Variants in NEK5 observed in about 807,000 individuals in gnomAD.
NEK5 encodes the protein NIMA related kinase 5.
NEK5 carries 88 observed loss-of-function variants against 109.2 expected under a neutral mutation model. The ratio of observed to expected loss-of-function variants is 0.81; its 90% CI spans 0.68 to 0.96. The LOEUF is 0.96. NEK5 is among the 40% of genes least tolerant of loss of function. The pLI is 0.00. For synonymous variants in NEK5, 283 were observed against 299.9 expected (o/e 0.94, Z 0.58); for missense variants, 834 against 920.7 (o/e 0.91, Z 1.22).
chr13:52,040,636 T>A (rs1954405295), intron 23 of NEK5, among the ~76,000 whole-genome samples: 1 of 152,176 alleles, frequency 6.6e-6, no homozygotes, highest in Non-Finnish European at 1.5e-5. Flanking sequence ...TTCTTTATGA[T>A]CTAATCAGCA....
intron 20 of NEK5, among the ~76,000 whole-genome samples, chr13:52,068,466 TACACACACACACAC>T (rs5803591): frequency 3.0e-4 from 45 of 148,240 alleles, no homozygotes; most frequent in African/African-American, 8.9e-4. Flanking sequence ...AATACACAAA[TACACACACACACAC>T]ACACACACAC....
chr13:52,089,615 TGTG>T (rs1955233887), intron 13 of NEK5, among the ~76,000 whole-genome samples: 1 of 152,140 alleles, frequency 6.6e-6, no homozygotes, highest in African/African-American at 2.4e-5. Context: ...TATAATATGT[TGTG>T]GGGAGGAAAA....
intron 8 of NEK5, among the ~76,000 whole-genome samples, chr13:52,106,531 T>C (rs1275826624): frequency 6.6e-6 from 1 of 152,120 alleles, no homozygotes; most frequent in Non-Finnish European, 1.5e-5. Flanking sequence ...TTTGAGAGGC[T>C]GAGGCGGGCA....
intron 22 of NEK5, among the ~76,000 whole-genome samples, chr13:52,060,343 A>C (rs1370505789): frequency 4.6e-5 from 7 of 152,156 alleles, no homozygotes; most frequent in African/African-American, 7.2e-5. Flanking sequence ...AGTGGTAATT[A>C]ACTTTGTAAA....
chr13:52,086,294 T>G lies in NEK5; in HGVS notation c.1462A>C (p.Met488Leu), dbSNP rs1955141028. Residue 488 changes from methionine (M) to leucine (L), a missense_variant, in exon 16 of 24, where the codon ATG becomes CTG. Around this residue, in one of 2 missense-constraint regions of NEK5, gnomAD observed 777 missense variants for 824.7 expected, o/e 0.94. Coordinates refer to ENST00000684899, the MANE Select transcript of NEK5 (RefSeq NM_001365552.1). ...HNDMKEIRKK[M>L]GREPEENSKI... is the part of the protein sequence containing the mutation. The stretch of plus-strand genomic sequence containing the variant: ...GAATTTACCTCTGGTTCTCTCCCCA[T>G]CTTCTTTCTAATTTCTTTCATGTCA... 6.2e-7 allele frequency: 1 copy of G among 1,605,100 alleles called. No individual in the cohort carries two copies. The highest frequency in any genetic ancestry group is 1.3e-5 in the African/African-American group (1 of 74,770).
intron 21 of NEK5, among the ~76,000 whole-genome samples, chr13:52,062,483 C>T (rs903510234): frequency 1.3e-5 from 2 of 151,520 alleles, no homozygotes; most frequent in Non-Finnish European, 2.9e-5. Flanking sequence ...TGTAGTGTCA[C>T]GATCTTGGCT....
At chr13:52,089,995 A>G (rs867940126) in intron 13 of NEK5, among the ~76,000 whole-genome samples, 2 of 152,128 alleles carry the variant, frequency 1.3e-5, no homozygotes, top group South Asian at 4.1e-4. Flanking sequence ...GAAAAGAAAA[A>G]AAAGAATGGC....
Position 52,110,560 on chromosome 13 carries a change from T to A in NEK5, c.330A>T (p.Val110=). ...FSEDQILGWF[V]QISLGLKHIH... is the part of the protein sequence containing the mutation. ...TATGTTTTAGTCCTAGAGAAATCTG[T>A]ACAAACCAACCGAGGATCTATAGAG... is the stretch of plus-strand genomic sequence containing the variant. Residue 110 remains valine (V), a synonymous_variant, in exon 6 of 24, where the codon GTA becomes GTT. Transcript: ENST00000684899. 1.2e-6 allele frequency: 2 copies of A among 1,610,494 alleles called. No individual in the cohort carries two copies. The highest frequency in any genetic ancestry group is 8.5e-7 in the Non-Finnish European group (1 of 1,177,442).
intron 12 of NEK5, among the ~76,000 whole-genome samples, chr13:52,093,547 C>T (rs1300204638): frequency 8.0e-5 from 12 of 150,726 alleles, no homozygotes; most frequent in South Asian, 2.1e-4. Flanking sequence ...ACAATGTGAG[C>T]GAGACTCCAT....
intron 11 of NEK5, 140 bp downstream of exon 11, chr13:52,101,793 G>C (rs1289773926): frequency 1.4e-6 from 1 of 697,208 alleles, no homozygotes; most frequent in African/African-American, 1.8e-5. Context: ...CATTTGACAA[G>C]ATGATTTTTC....
At chr13:52,083,784 C>T (rs549206751) in intron 16 of NEK5, among the ~76,000 whole-genome samples, 55 of 152,304 alleles carry the variant, frequency 3.6e-4, no homozygotes, top group Middle Eastern at 3.4e-3. Context: ...GATCCGCCCA[C>T]CTCAGCCTCC....
chr13:52,052,551 G>A (rs1954516608), intron 22 of NEK5, among the ~76,000 whole-genome samples: 1 of 152,152 alleles, frequency 6.6e-6, no homozygotes, highest in Non-Finnish European at 1.5e-5. Flanking sequence ...TTCCCTCTTT[G>A]TGGGGGACCC....
intron 22 of NEK5, among the ~76,000 whole-genome samples, chr13:52,058,918 A>G (rs1954586466): frequency 2.0e-5 from 3 of 150,336 alleles, no homozygotes; most frequent in Non-Finnish European, 3.0e-5. Flanking sequence ...CTAAAACACC[A>G]AAAGCAATGG....
chr13:52,050,086 G>T lies in NEK5; in HGVS notation c.2228+18C>A. On this transcript the variant is annotated intron_variant, in intron 23 of 23. Coordinates refer to ENST00000684899, the MANE Select transcript of NEK5 (RefSeq NM_001365552.1). ...TGTACCAGTGCTCGACTTAGGTATCGGCAAATGATCTACTTACGTATCATC... is the reference window on the plus strand; with the variant it reads ...TGTACCAGTGCTCGACTTAGGTATCTGCAAATGATCTACTTACGTATCATC... 1.1e-6 allele frequency: 1 copy of T among 921,340 alleles called. No individual in the cohort carries two copies. The highest frequency in any genetic ancestry group is 1.3e-6 in the Non-Finnish European group (1 of 771,296). The allele number at this position is 921,340 out of a possible 1,614,324, so 57.1% of individuals were successfully genotyped here. A position where few individuals can be genotyped will look rare whatever the true frequency, so the allele number is the denominator to read the frequency against.
rs143685445 is a variant in NEK5 at position 52,102,095 on chromosome 13, A to T, written c.807T>A (p.Pro269=). 9.3e-6 allele frequency: 15 copies of T among 1,613,398 alleles called. No homozygotes were observed. The African/African-American group carries it at 2.0e-4, about 22-fold the overall frequency. The change falls in exon 10 of 24, where the codon CCT becomes CCA. Residue 269 remains proline (P), a synonymous_variant. Coordinates refer to ENST00000684899, the MANE Select transcript of NEK5 (RefSeq NM_001365552.1). Reference sequence around the variant, plus strand: ...AAACAGTCACCTCAAAACTTACCTCAGGAGTCAAATATTTGGGAATAAGAT... The same window carrying T: ...AAACAGTCACCTCAAAACTTACCTCTGGAGTCAAATATTTGGGAATAAGAT... The part of the protein sequence containing the change: ...LENLIPKYLT[P]EVIQEEFSHM...
At chr13:52,054,200 T>A (rs1566732147) in intron 22 of NEK5, among the ~76,000 whole-genome samples, 1 of 152,244 alleles carries the variant, frequency 6.6e-6, no homozygotes, top group African/African-American at 2.4e-5. Flanking sequence ...TGCCTAACAT[T>A]CACAAACTGT....
chr13:52,047,912 A>G (rs1414511605), intron 23 of NEK5, among the ~76,000 whole-genome samples: 1 of 152,236 alleles, frequency 6.6e-6, no homozygotes, highest in Middle Eastern at 3.2e-3. Flanking sequence ...AGAACTAATA[A>G]GAGAGTTTAG....
intron 17 of NEK5, among the ~76,000 whole-genome samples, chr13:52,076,580 C>A (rs1409505362): frequency 3.3e-5 from 5 of 152,160 alleles, no homozygotes; most frequent in African/African-American, 7.2e-5. Flanking sequence ...ATTTCAAAGG[C>A]ACAACTGAGA....
At chr13:52,074,754 G>A (rs1435123267) in intron 19 of NEK5, among the ~76,000 whole-genome samples, 3 of 152,148 alleles carry the variant, frequency 2.0e-5, no homozygotes, top group Admixed American at 1.3e-4. Context: ...CTAATATCCA[G>A]ACTCTATAAG....
Sources: gnomAD v4.1 joint callset for allele counts (sites outside exome capture counted in the v4.1 genomes callset) on GRCh38, gnomAD v4.1.1 for gene constraint, gnomAD v4.1.1 regional missense constraint, MANE v1.5 for transcripts, NCBI Gene and HGNC (gene_info 2026-07-23, HGNC 2026-07-21) for gene names.